The following CASR variants were observed in gnomAD, a reference collection of about 807,000 sequenced individuals.
The protein encoded by CASR is extracellular calcium-sensing receptor.
In CASR, 23 loss-of-function variants were observed where a neutral mutation model predicts 69.1. That is an observed-to-expected ratio of 0.33 (90% CI 0.24 to 0.47). CASR has a LOEUF of 0.47. CASR is among the 20% of genes least tolerant of loss of function. CASR has a pLI of 1.00. For synonymous variants in CASR, 541 were observed against 544.7 expected, an observed-to-expected ratio of 0.99 and a Z score of 0.10; for missense variants, 924 against 1,356.1, an observed-to-expected ratio of 0.68 and a Z score of 5.00.
intron 1 of CASR, among the ~76,000 whole-genome samples, chr3:122,198,767 A>C (rs1433885443): frequency 1.3e-5 from 2 of 151,832 alleles, no homozygotes; most frequent in African/African-American, 2.4e-5. Flanking sequence ...TTACTCAAAA[A>C]ATTTTTCTTT....
In CASR at chr3:122,287,319, C is replaced by T. The variant is rs553084388; in HGVS notation, c.*2128C>T. ...CCAAGTGCTTGCAAATAAGGAGTCT[C>T]TCCCAATGCTGTTGTCAGAAAGGCA... On this transcript the variant is annotated 3_prime_UTR_variant, in exon 7 of 7. Coordinates refer to ENST00000639785, the MANE Select transcript of CASR (RefSeq NM_000388.4). 1.3e-5 allele frequency: 2 copies of T among 152,348 alleles called. No homozygotes were observed. The highest frequency in any genetic ancestry group is 4.8e-5 in the African/African-American group (2 of 41,576). 9.4% of individuals were successfully genotyped at this position (152,348 alleles called of 1,614,324 possible).
In CASR at chr3:122,283,732, A is replaced by G. The variant is rs1181277275; in HGVS notation, c.1778A>G (p.Glu593Gly). The G allele has an allele frequency of 1.2e-6, 2 of 1,614,144 alleles. No homozygotes were observed. The highest frequency in any genetic ancestry group is 1.1e-5 in the South Asian group (1 of 91,078). Residue 593 changes from glutamate to glycine, a missense_variant, in exon 7 of 7, where the codon GAG becomes GGG. Coordinates refer to ENST00000639785, the MANE Select transcript of CASR (RefSeq NM_000388.4). ...TGCCCAGATGACTTCTGGTCCAATG[A>G]GAACCACACCTCCTGCATTGCCAAG... is the stretch of plus-strand genomic sequence containing the variant. ...NKCPDDFWSNENHTSCIAKEI... is the reference protein window; with the variant it reads ...NKCPDDFWSNGNHTSCIAKEI...
intron 1 of CASR, among the ~76,000 whole-genome samples, 157 bp downstream of exon 1, chr3:122,183,969 A>G (rs150974836): frequency 1.3e-5 from 2 of 152,140 alleles, no homozygotes; most frequent in Non-Finnish European, 2.9e-5. Context: ...GGGTCAGGGA[A>G]GAGGACAGCG....
At chr3:122,194,974 TCTTA>T (rs1024453623) in intron 1 of CASR, among the ~76,000 whole-genome samples, 8 of 149,024 alleles carry the variant, frequency 5.4e-5, no homozygotes, top group South Asian at 2.1e-4. Context: ...CCTTTCTTCT[TCTTA>T]CTTTTTCCTC....
chr3:122,218,152 A>G (rs1356702487), intron 1 of CASR, among the ~76,000 whole-genome samples: 2 of 152,202 alleles, frequency 1.3e-5, no homozygotes, highest in Admixed American at 6.5e-5. Context: ...GGATGCAGGT[A>G]GTTAAGTGTA....
At chr3:122,184,731 A>G (rs898971679) in intron 1 of CASR, among the ~76,000 whole-genome samples, 1 of 152,162 alleles carries the variant, frequency 6.6e-6, no homozygotes, top group Non-Finnish European at 1.5e-5. Context: ...TCAGAACTGG[A>G]TTGTTCAGTG....
rs954724407 is a variant in CASR at position 122,254,072 on chromosome 3, A to G, written c.-118A>G. The G allele has an allele frequency of 1.0e-5, 9 of 886,296 alleles. No individual in the cohort carries two copies. The Admixed American group carries it at 1.4e-4, about 13-fold the overall frequency. 54.9% of individuals were successfully genotyped at this position (886,296 alleles called of 1,614,324 possible). A position where few individuals can be genotyped will look rare whatever the true frequency, so the allele number is the denominator to read the frequency against. On this transcript the variant is annotated 5_prime_UTR_variant, in exon 2 of 7. It removes the in-frame stop codon of an upstream open reading frame in the 5' UTR. Coordinates refer to ENST00000639785, the MANE Select transcript of CASR (RefSeq NM_000388.4). The stretch of plus-strand genomic sequence containing the variant: ...ACACCACGTCTTCTATTATTTTATT[A>G]ATCAATCTGTAGACATGTGTCCCCA...
intron 1 of CASR, among the ~76,000 whole-genome samples, chr3:122,216,068 T>C (rs527358500): frequency 6.6e-6 from 1 of 152,358 alleles, no homozygotes; most frequent in African/African-American, 2.4e-5. Flanking sequence ...GTCAGGGACA[T>C]GAAAGCTCTT....
Position 122,261,701 on chromosome 3 carries a change from G to A in CASR, c.666G>A (p.Gly222=), listed in dbSNP as rs2107632070. 1.2e-6 allele frequency: 2 copies of A among 1,614,240 alleles called. No homozygotes were observed. Among genetic ancestry groups the A allele is most frequent in the Non-Finnish European group, 1.7e-6 (2 of 1,180,038 alleles). ...IAADDDYGRP[G]IEKFREEAEE... ...CTGATGACGACTATGGGCGGCCGGGGATTGAGAAATTCCGAGAGGAAGCTG... is the reference window on the plus strand; with the variant it reads ...CTGATGACGACTATGGGCGGCCGGGAATTGAGAAATTCCGAGAGGAAGCTG... Residue 222 remains glycine, a synonymous_variant, in exon 4 of 7, where the codon GGG becomes GGA. Transcript: ENST00000639785.
chr3:122,233,612 T>C (rs920201737), intron 1 of CASR, among the ~76,000 whole-genome samples: 1 of 152,230 alleles, frequency 6.6e-6, no homozygotes, highest in Non-Finnish European at 1.5e-5. Context: ...CCAGAGCGAA[T>C]GTTTCTTCTC....
chr3:122,188,422 A>G lies in CASR; in HGVS notation c.-243+4610A>G, dbSNP rs191097188. Among the ~76,000 whole-genome samples, 986 of 152,284 alleles carry G rather than the reference A, an allele frequency of 6.5e-3. 9 individuals are homozygous for G. Among genetic ancestry groups the G allele is most frequent in the African/African-American group, 0.021 (857 of 41,532 alleles). ...TCATTCAAGTGATCTTGGGATAGAA[A>G]AGAAGAAGTGAGTATCAACCAGGAC... On this transcript the variant is annotated intron_variant, in intron 1 of 6. Coordinates refer to ENST00000639785, the MANE Select transcript of CASR (RefSeq NM_000388.4).
chr3:122,248,598 G>A, intron 1 of CASR, among the ~76,000 whole-genome samples: 1 of 149,344 alleles, frequency 6.7e-6, no homozygotes, highest in Non-Finnish European at 1.5e-5. Flanking sequence ...TTTTTTCTAG[G>A]CAACCTAGAA....
At chr3:122,218,414 G>A (rs983996257) in intron 1 of CASR, among the ~76,000 whole-genome samples, 6 of 151,798 alleles carry the variant, frequency 4.0e-5, no homozygotes, top group Admixed American at 6.6e-5. Context: ...GGAGCCTGTA[G>A]TCCCAGCTAC....
At chr3:122,217,459 G>A (rs2074128612) in intron 1 of CASR, among the ~76,000 whole-genome samples, 1 of 152,154 alleles carries the variant, frequency 6.6e-6, no homozygotes, top group Non-Finnish European at 1.5e-5. Context: ...TGTGATAGAT[G>A]GGAAAGGGGC....
At position 122,290,382 on chromosome 3, in the gene CASR, G is replaced by A. The variant is rs1320860487; in HGVS notation, c.*5191G>A. 2.0e-5 allele frequency: 3 copies of A among 152,122 alleles called. No individual in the cohort carries two copies. Among genetic ancestry groups the A allele is most frequent in the African/African-American group, 7.2e-5 (3 of 41,416 alleles). The allele number at this position is 152,122 out of a possible 1,614,324, so 9.4% of individuals were successfully genotyped here. A position where few individuals can be genotyped will look rare whatever the true frequency, so the allele number is the denominator to read the frequency against. ...TTTTTGGAAGAATGTGATTGTCTTC[G>A]TTGATATCAACCCAAAGATGTGGTT... On this transcript the variant is annotated 3_prime_UTR_variant, in exon 7 of 7. Coordinates refer to ENST00000639785, the MANE Select transcript of CASR (RefSeq NM_000388.4).
Position 122,289,546 on chromosome 3 carries a change from C to G in CASR, c.*4355C>G, listed in dbSNP as rs993446123. The G allele has an allele frequency of 6.6e-6, 1 of 152,370 alleles. No individual in the cohort carries two copies. The highest frequency in any genetic ancestry group is 2.4e-5 in the African/African-American group (1 of 41,416). The allele number at this position is 152,370 out of a possible 1,614,324, so 9.4% of individuals were successfully genotyped here. A position where few individuals can be genotyped will look rare whatever the true frequency, so the allele number is the denominator to read the frequency against. ...CTTAGCCTTGAGAGGAAAAGCTCAG[C>G]AAGTGGTATGAGAAATGGAGAACTG... On this transcript the variant is annotated 3_prime_UTR_variant, in exon 7 of 7. Transcript: ENST00000639785.
chr3:122,219,857 T>G (rs930184514), intron 1 of CASR, among the ~76,000 whole-genome samples: 1 of 152,246 alleles, frequency 6.6e-6, no homozygotes, highest in Non-Finnish European at 1.5e-5. Flanking sequence ...AGATTTAGTT[T>G]GATCTAGAGT....
At chr3:122,237,249 A>G (rs965604763) in intron 1 of CASR, among the ~76,000 whole-genome samples, 1 of 151,760 alleles carries the variant, frequency 6.6e-6, no homozygotes, top group Non-Finnish European at 1.5e-5. Context: ...AGCTGGGATT[A>G]CAGGAGTGCA....
intron 1 of CASR, among the ~76,000 whole-genome samples, chr3:122,252,455 A>AAAGAAAGAAAGAAAGAAAG: frequency 2.0e-5 from 2 of 100,720 alleles, no homozygotes; most frequent in African/African-American, 8.1e-5. Context: ...GAAAAAAAAG[A>AAAGAAAGAAAGAAAGAAAG]AAAGAAAGAA....
Sources: gnomAD v4.1 joint callset for allele counts (sites outside exome capture counted in the v4.1 genomes callset) on GRCh38, gnomAD v4.1.1 for gene constraint, MANE v1.5 for transcripts, NCBI Gene and HGNC (gene_info 2026-07-23, HGNC 2026-07-21) for gene names.